The following PCDHA4 variants were observed in gnomAD, a reference collection of about 807,000 sequenced individuals.
PCDHA4 encodes the protein protocadherin alpha-4.
PCDHA4 carries 49 observed loss-of-function variants against 61.4 expected under a neutral mutation model. The ratio of observed to expected loss-of-function variants is 0.80; its 90% CI spans 0.63 to 1.01. The LOEUF is 1.01. Among genes scored for constraint, PCDHA4 ranks in the 50% least tolerant of loss-of-function variants. The pLI, the probability that PCDHA4 is intolerant of heterozygous loss-of-function variation, is 0.00. For synonymous variants in PCDHA4, 590 were observed against 550.3 expected (o/e 1.07, Z -1.01); for missense variants, 1,254 against 1,235.8 (o/e 1.01, Z -0.22).
intron 1 of PCDHA4, among the ~76,000 whole-genome samples, chr5:140,899,376 A>G (rs2153463773): frequency 6.6e-6 from 1 of 152,262 alleles, no homozygotes; most frequent in South Asian, 2.1e-4. Flanking sequence ...TCAATACCTA[A>G]TTTATTGAGA....
chr5:140,994,190 C>G (rs1377695035), intron 3 of PCDHA4, among the ~76,000 whole-genome samples: 1 of 152,136 alleles, frequency 6.6e-6, no homozygotes, highest in Non-Finnish European at 1.5e-5. Context: ...ACCACCAGGG[C>G]CTGTTGGTCC....
chr5:140,958,419 A>C (rs1275772647), intron 1 of PCDHA4, among the ~76,000 whole-genome samples: 1 of 152,196 alleles, frequency 6.6e-6, no homozygotes, highest in Non-Finnish European at 1.5e-5. Flanking sequence ...GCTTGGAAAG[A>C]AGCACTTTTT....
At chr5:140,876,568 G>C (rs1302204057) in intron 1 of PCDHA4, 2 of 1,614,046 alleles carry the variant, frequency 1.2e-6, no homozygotes, top group African/African-American at 1.3e-5. Context: ...TGCTCAGGTG[G>C]GTACCGTCAT....
chr5:140,849,832 C>A lies in PCDHA4; in HGVS notation c.2385+40260C>A, dbSNP rs145333813. On this transcript the variant is annotated intron_variant, in intron 1 of 3. Coordinates refer to ENST00000530339, the MANE Select transcript of PCDHA4 (RefSeq NM_018907.4). ...ACGGCCAGGGTGTCTGTGGAGGTGG[C>A]CGACGTGAACGACAACGCACCAGCG... 3.2e-4 allele frequency: 518 copies of A among 1,598,398 alleles called. 39 individuals carry two copies. In the African/African-American group the frequency reaches 4.3e-3, roughly 13 times the overall value.
intron 1 of PCDHA4, among the ~76,000 whole-genome samples, chr5:140,925,455 T>C (rs1367623051): frequency 6.6e-6 from 1 of 152,106 alleles, no homozygotes; most frequent in Non-Finnish European, 1.5e-5. Flanking sequence ...GGTGTATCTG[T>C]TGTGGCTCAG....
At position 140,809,250 on chromosome 5, in the gene PCDHA4, G is replaced by T. The variant is rs782209352; in HGVS notation, c.2063G>T (p.Gly688Val). The T allele has an allele frequency of 1.2e-6, 2 of 1,614,080 alleles. No homozygotes were observed. The highest frequency in any genetic ancestry group is 3.3e-5 in the Admixed American group (2 of 60,034). ...TCACGGGCGTTGGTGGGCGCTGTGG[G>T]TCCCGATGCTGCGCTGGTGGATGTC... The part of the protein sequence containing the change: ...ASSRALVGAV[G>V]PDAALVDVNV... Residue 688 changes from glycine (G) to valine (V), a missense_variant, in exon 1 of 4, where the codon GGT (glycine) becomes GTT (valine). Coordinates refer to ENST00000530339, the MANE Select transcript of PCDHA4 (RefSeq NM_018907.4).
chr5:140,996,175 C>T (rs1296990069), intron 3 of PCDHA4, among the ~76,000 whole-genome samples: 2 of 152,336 alleles, frequency 1.3e-5, no homozygotes, highest in Middle Eastern at 3.4e-3. Flanking sequence ...GTGCTGACAG[C>T]ACCTCCATTT....
chr5:140,953,778 A>G (rs782648195), intron 1 of PCDHA4, among the ~76,000 whole-genome samples: 1 of 151,986 alleles, frequency 6.6e-6, no homozygotes, highest in Non-Finnish European at 1.5e-5. Flanking sequence ...ATATTTATTT[A>G]TTTTTTTCTT....
At chr5:140,900,178 T>G (rs972449455) in intron 1 of PCDHA4, among the ~76,000 whole-genome samples, 1 of 152,238 alleles carries the variant, frequency 6.6e-6, no homozygotes, top group East Asian at 1.9e-4. Flanking sequence ...GCCTGGTTTA[T>G]GTCACTTATA....
intron 1 of PCDHA4, among the ~76,000 whole-genome samples, chr5:140,961,096 G>A (rs1040764862): frequency 3.9e-5 from 6 of 152,222 alleles, no homozygotes; most frequent in Admixed American, 3.3e-4. Flanking sequence ...TGACTTTTTG[G>A]TCACCCAACC....
At chr5:140,849,777 C>T (rs2150449616) in intron 1 of PCDHA4, 2 of 1,598,440 alleles carry the variant, frequency 1.3e-6, no homozygotes, top group Non-Finnish European at 1.7e-6. Flanking sequence ...GGTTACCGCG[C>T]GGGACGGGGG....
At chr5:140,942,527 AACTC>A (rs1420689882) in intron 1 of PCDHA4, among the ~76,000 whole-genome samples, 2 of 152,162 alleles carry the variant, frequency 1.3e-5, no homozygotes, top group Non-Finnish European at 2.9e-5. Flanking sequence ...GGAAGCAACT[AACTC>A]AGTATGGTGG....
intron 1 of PCDHA4, chr5:140,810,983 G>A (rs1476583149): frequency 6.6e-6 from 1 of 151,936 alleles, no homozygotes; most frequent in Non-Finnish European, 1.5e-5. Flanking sequence ...TGTGAGGTAG[G>A]GGTCAAGATT....
chr5:140,829,430 G>T, intron 1 of PCDHA4: 1 of 1,614,092 alleles, frequency 6.2e-7, no homozygotes, highest in Non-Finnish European at 8.5e-7. Flanking sequence ...GGAGGTGGCC[G>T]ACATGAATGA....
chr5:140,881,505 CACAT>C (rs2058738073), intron 1 of PCDHA4: 1 of 242,822 alleles, frequency 4.1e-6, no homozygotes, highest in African/African-American at 2.3e-5. Flanking sequence ...TACACACACT[CACAT>C]ACAAAATCCC....
intron 1 of PCDHA4, chr5:140,883,246 AAATATTCCAATGGCGGG>A: frequency 6.2e-7 from 1 of 1,614,082 alleles, no homozygotes; most frequent in Admixed American, 1.7e-5. Context: ...TTGACAAAGG[AAATATTCCAATGGCGGG>A]TCATTGTACC....
rs2150128291 is a variant in PCDHA4, at chr5:140,823,697, C to G, written c.2385+14125C>G. On this transcript the variant is annotated intron_variant, in intron 1 of 3. Coordinates refer to ENST00000530339, the MANE Select transcript of PCDHA4 (RefSeq NM_018907.4). ...ACACGCTCTCTGGATGAGACCGAAG[C>G]ACCGCGCCACCGCCTTCTGGTGCTG... 29 of 1,613,838 alleles carry G rather than the reference C, an allele frequency of 1.8e-5. No individual in the cohort carries two copies. The highest frequency in any genetic ancestry group is 2.3e-5 in the Non-Finnish European group (27 of 1,179,946).
intron 1 of PCDHA4, among the ~76,000 whole-genome samples, chr5:140,844,934 G>A (rs1554140786): frequency 6.7e-6 from 1 of 149,226 alleles, no homozygotes; most frequent in Admixed American, 6.7e-5. Context: ...GGGAATGAAC[G>A]ATTTCTGGGA....
rs148640226 is a variant in PCDHA4, at chr5:140,809,438, T to A, written c.2251T>A (p.Ser751Thr). The change falls in exon 1 of 4, where the codon TCG becomes ACG. Residue 751 changes from serine (S) to threonine (T), a missense_variant. Transcript: ENST00000530339. ...CAGTGCGGTGGGGAGCTGGTCATAC[T>A]CGCAGCAGAGGAGGCCGAGGGTGTG... is the stretch of plus-strand genomic sequence containing the variant. ...CSSAVGSWSY[S>T]QQRRPRVCSG... is the part of the protein sequence containing the mutation. 258 of 1,614,176 alleles carry A rather than the reference T, an allele frequency of 1.6e-4. 1 individual carries two copies. The African/African-American group carries it at 2.8e-3, about 17-fold the overall frequency.
Sources: gnomAD v4.1 joint callset for allele counts (sites outside exome capture counted in the v4.1 genomes callset) on GRCh38, gnomAD v4.1.1 for gene constraint, MANE v1.5 for transcripts, NCBI Gene and HGNC (gene_info 2026-07-23, HGNC 2026-07-21) for gene names.